LMO7: variants seen among roughly 807,000 people sequenced by gnomAD.
The protein encoded by LMO7 is LIM domain only protein 7.
A neutral mutation model predicts 206.5 loss-of-function variants in LMO7; 120 were observed. That is an observed-to-expected ratio of 0.58 (90% confidence interval 0.50 to 0.68). The LOEUF is 0.68. Among genes scored for constraint, LMO7 ranks in the 30% least tolerant of loss-of-function variants. The pLI is 0.00. For missense variants in LMO7, 1,959 were observed against 1,957.9 expected (o/e 1.00, Z -0.01); for synonymous variants, 706 against 681.5 (o/e 1.04, Z -0.56).
At position 75,808,086 on chromosome 13, in the gene LMO7, C is replaced by T. The variant is rs568853525; in HGVS notation, c.1803C>T (p.Thr601=). ...RKIQSWKLGT[T]VPPISFTPGP... Reference sequence around the variant, plus strand: ...TTCAGTCCTGGAAACTGGGAACTACCGTGCCTCCCATCAGTTTCACCCCTG... The same window carrying T: ...TTCAGTCCTGGAAACTGGGAACTACTGTGCCTCCCATCAGTTTCACCCCTG... Residue 601 remains threonine (T), a synonymous_variant, in exon 10 of 31, where the codon ACC becomes ACT. Coordinates refer to ENST00000377534, the MANE Select transcript of LMO7 (RefSeq NM_001306080.2). 2.0e-5 allele frequency: 33 copies of T among 1,613,912 alleles called. No individual in the cohort carries two copies. In the East Asian group the frequency reaches 3.6e-4, roughly 17 times the overall value.
intron 3 of LMO7, among the ~76,000 whole-genome samples, chr13:75,732,418 A>G (rs963704342): frequency 1.3e-5 from 2 of 152,076 alleles, no homozygotes; most frequent in Non-Finnish European, 2.9e-5. Context: ...TGATCGCATC[A>G]GCTCCTGAGG....
chr13:75,631,571 T>C (rs893252729), upstream of LMO7: 1 of 152,220 alleles, frequency 6.6e-6, no homozygotes, highest in Admixed American at 6.6e-5. Context: ...AGGTGAACTG[T>C]GGTACAGTCC....
chr13:75,642,940 C>A (rs1427232147), intron 1 of LMO7, among the ~76,000 whole-genome samples: 1 of 152,198 alleles, frequency 6.6e-6, no homozygotes, highest in Non-Finnish European at 1.5e-5. Context: ...AAGGAGGGTT[C>A]TATTTCCTCT....
At chr13:75,699,145 C>T (rs1212197096) in intron 1 of LMO7, among the ~76,000 whole-genome samples, 2 of 152,076 alleles carry the variant, frequency 1.3e-5, no homozygotes, top group East Asian at 3.9e-4. Flanking sequence ...GTAGTGTTCC[C>T]TTATCAGGAA....
At chr13:75,847,127 T>C (rs2060066070) in intron 26 of LMO7, among the ~76,000 whole-genome samples, 1 of 152,132 alleles carries the variant, frequency 6.6e-6, no homozygotes, top group Non-Finnish European at 1.5e-5. Context: ...TAAGAAACCT[T>C]TGGTCTTGCT....
At chr13:75,832,673 C>G (rs1475562445) in intron 15 of LMO7, among the ~76,000 whole-genome samples, 1 of 152,022 alleles carries the variant, frequency 6.6e-6, no homozygotes, top group Non-Finnish European at 1.5e-5. Context: ...GTATGGTGGT[C>G]CTTTTTAAAT....
In LMO7 at chr13:75,727,115, C is replaced by G; in HGVS notation, c.210+17C>G. 1 of 1,455,304 alleles carries G rather than the reference C, an allele frequency of 6.9e-7. No individual in the cohort carries two copies. Among genetic ancestry groups the G allele is most frequent in the Non-Finnish European group, 9.6e-7 (1 of 1,040,078 alleles). 90.1% of individuals were successfully genotyped at this position (1,455,304 alleles called of 1,614,324 possible). A position where few individuals can be genotyped will look rare whatever the true frequency, so the allele number is the denominator to read the frequency against. On this transcript the variant is annotated intron_variant, in intron 3 of 30. Coordinates refer to ENST00000377534, the MANE Select transcript of LMO7 (RefSeq NM_001306080.2). Reference sequence around the variant, plus strand: ...GCAGGATTGGTAAGTAGTAAATTATCTTCACAACTAAATTTATTTGTCTTT... The same window carrying G: ...GCAGGATTGGTAAGTAGTAAATTATGTTCACAACTAAATTTATTTGTCTTT...
intron 2 of LMO7, among the ~76,000 whole-genome samples, chr13:75,717,555 T>TTA (rs1304079003): frequency 6.6e-6 from 1 of 151,646 alleles, no homozygotes; most frequent in South Asian, 2.1e-4. Flanking sequence ...TTATTAAAGA[T>TTA]TATATATATA....
At chr13:75,807,457 C>T (rs201965007) in intron 9 of LMO7, 23 bp from the exon 10 acceptor site, 2 of 1,606,602 alleles carry the variant, frequency 1.2e-6, no homozygotes, top group Non-Finnish European at 1.7e-6. Flanking sequence ...GATTCTCTTT[C>T]CTTTTTCCTC....
chr13:75,741,857 C>T (rs555883332), intron 3 of LMO7, among the ~76,000 whole-genome samples: 7 of 152,276 alleles, frequency 4.6e-5, no homozygotes, highest in African/African-American at 1.4e-4. Flanking sequence ...TCCTACTCAA[C>T]ATAGTACTGG....
chr13:75,831,829 T>C (rs150705293), intron 15 of LMO7, among the ~76,000 whole-genome samples: 2 of 152,294 alleles, frequency 1.3e-5, no homozygotes, highest in Admixed American at 6.5e-5. Flanking sequence ...CACTACCACA[T>C]TGGCAATTAA....
intron 3 of LMO7, among the ~76,000 whole-genome samples, chr13:75,747,809 T>C (rs2046969274): frequency 6.6e-6 from 1 of 152,218 alleles, no homozygotes; most frequent in South Asian, 2.1e-4. Context: ...TGCTAATCAG[T>C]TGATCCTGAG....
At chr13:75,733,618 C>A (rs147158526) in intron 3 of LMO7, among the ~76,000 whole-genome samples, 2 of 152,148 alleles carry the variant, frequency 1.3e-5, no homozygotes, top group Non-Finnish European at 2.9e-5. Context: ...GCTCATGCAT[C>A]GTGCACTGCA....
At chr13:75,785,574 T>C (rs2052299676) in intron 4 of LMO7, among the ~76,000 whole-genome samples, 1 of 152,200 alleles carries the variant, frequency 6.6e-6, no homozygotes, top group Non-Finnish European at 1.5e-5. Flanking sequence ...TTTTAAACTG[T>C]TCTGCCAAAA....
chr13:75,791,457 T>C (rs1354437213), intron 4 of LMO7, among the ~76,000 whole-genome samples: 2 of 152,214 alleles, frequency 1.3e-5, no homozygotes, highest in Non-Finnish European at 2.9e-5. Context: ...TTATTGCTAA[T>C]TTACATTTCT....
chr13:75,751,130 C>T (rs903461218), intron 3 of LMO7, among the ~76,000 whole-genome samples: 1 of 138,954 alleles, frequency 7.2e-6, no homozygotes, highest in Non-Finnish European at 1.5e-5. Flanking sequence ...TCATCATGTA[C>T]TCAGCTCTTT....
intron 6 of LMO7, among the ~76,000 whole-genome samples, chr13:75,800,058 A>G (rs1048250438): frequency 2.0e-5 from 3 of 152,242 alleles, no homozygotes; most frequent in African/African-American, 7.2e-5. Flanking sequence ...TTGATTCAAC[A>G]AGAAGGATAA....
chr13:75,855,437 C>T (rs779564716), intron 29 of LMO7, 69 bp downstream of exon 29: 21 of 951,306 alleles, frequency 2.2e-5, no homozygotes, highest in Admixed American at 4.0e-5. Flanking sequence ...TGCTTTGAGC[C>T]GCTGGGTGTA....
intron 1 of LMO7, among the ~76,000 whole-genome samples, chr13:75,685,301 C>A (rs1566308476): frequency 6.6e-6 from 1 of 152,124 alleles, no homozygotes; most frequent in African/African-American, 2.4e-5. Flanking sequence ...ACTGTGCTGG[C>A]CTCTGGGAAT....
Sources: gnomAD v4.1 joint callset for allele counts (sites outside exome capture counted in the v4.1 genomes callset) on GRCh38, gnomAD v4.1.1 for gene constraint, MANE v1.5 for transcripts, NCBI Gene and HGNC (gene_info 2026-07-23, HGNC 2026-07-21) for gene names.